Variants in RPS6KC1 observed in about 807,000 individuals in gnomAD.
RPS6KC1 encodes ribosomal protein S6 kinase C1, also known as inactive ribosomal protein S6 kinase delta-1.
A neutral mutation model predicts 103.8 loss-of-function variants in RPS6KC1; 54 were observed. That is an observed-to-expected ratio of 0.52 (90% CI 0.42 to 0.65). The LOEUF (loss-of-function observed/expected upper bound fraction) is 0.65. Ranked by LOEUF, RPS6KC1 falls within the 30% of genes least tolerant of loss-of-function variation. The pLI, the probability that RPS6KC1 is intolerant of heterozygous loss-of-function variation, is 0.00. For missense variants in RPS6KC1, 1,151 were observed against 1,253.8 expected, an observed-to-expected ratio of 0.92 and a Z score of 1.24; for synonymous variants, 439 against 438.7, an observed-to-expected ratio of 1.00 and a Z score of -0.01.
intron 3 of RPS6KC1, among the ~76,000 whole-genome samples, chr1:213,095,728 ATACTG>A (rs1230865166): frequency 6.6e-6 from 1 of 152,246 alleles, no homozygotes; most frequent in Admixed American, 6.5e-5. Flanking sequence ...AGTTGTGTTT[ATACTG>A]TACTGTAGTC....
At chr1:213,461,374 T>C in the RPS6KC1 span, among the ~76,000 whole-genome samples, 1 of 152,178 alleles carries the variant, frequency 6.6e-6, no homozygotes, top group African/African-American at 2.4e-5. Context: ...AATTTATAGA[T>C]TCAATGCCAT....
downstream of RPS6KC1, among the ~76,000 whole-genome samples, chr1:213,275,584 T>C (rs1322196039): frequency 6.6e-6 from 1 of 152,196 alleles, no homozygotes; most frequent in Admixed American, 6.5e-5. Flanking sequence ...ACAACATTTT[T>C]TTTTTATTTG....
chr1:213,632,683 G>A, the RPS6KC1 span, among the ~76,000 whole-genome samples: 3 of 152,248 alleles, frequency 2.0e-5, no homozygotes, highest in Admixed American at 1.3e-4. Context: ...AACAAAGCTG[G>A]ATGGAGAATG....
Position 213,167,917 on chromosome 1 carries a change from C to G in RPS6KC1, c.895C>G (p.Arg299Gly), listed in dbSNP as rs761043603. Reference sequence around the variant, plus strand: ...GAGAAGAACAGCCGAGTACCTCATGCGGGCAGAAAGTATCTCTAGTCTTTA... The same window carrying G: ...GAGAAGAACAGCCGAGTACCTCATGGGGGCAGAAAGTATCTCTAGTCTTTA... The part of the protein sequence containing the change: ...VKRRTAEYLM[R>G]AESISSLYGK... Residue 299 changes from arginine to glycine, a missense_variant, in exon 7 of 15, where the codon CGG (arginine) becomes GGG (glycine). Transcript: ENST00000366960. 3.1e-6 allele frequency: 5 copies of G among 1,613,430 alleles called. No individual in the cohort carries two copies. In the South Asian group the frequency reaches 5.5e-5, roughly 18 times the overall value.
intron 8 of RPS6KC1, among the ~76,000 whole-genome samples, chr1:213,228,358 A>G (rs1449058452): frequency 6.6e-6 from 1 of 152,180 alleles, no homozygotes; most frequent in Non-Finnish European, 1.5e-5. Context: ...CTTCTACATA[A>G]TAAGAATGCC....
chr1:213,141,430 A>G (rs542984716), intron 6 of RPS6KC1, among the ~76,000 whole-genome samples: 1 of 152,058 alleles, frequency 6.6e-6, no homozygotes, highest in East Asian at 1.9e-4. Context: ...ATAGTCTCTG[A>G]AGGTTTTTTT....
chr1:213,262,761 C>G lies in RPS6KC1; in HGVS notation c.3035C>G (p.Thr1012Ser). The G allele has an allele frequency of 6.2e-7, 1 of 1,613,208 alleles. No homozygotes were observed. Among genetic ancestry groups the G allele is most frequent in the Non-Finnish European group, 8.5e-7 (1 of 1,179,180 alleles). Residue 1012 changes from threonine (T) to serine (S), a missense_variant, in exon 14 of 15, where the codon ACT becomes AGT. By Grantham distance (58) the Thr-to-Ser change is moderately conservative. Transcript: ENST00000366960. ...ECHPAGINTH[T>S]TLNMPECVSE... ...CATCCAGCAGGAATAAATACTCACA[C>G]TACTTTGAACATGCCAGAATGTGTC...
At chr1:213,462,088 A>C in the RPS6KC1 span, among the ~76,000 whole-genome samples, 1 of 152,200 alleles carries the variant, frequency 6.6e-6, no homozygotes, top group Admixed American at 6.5e-5. Context: ...AAACCCCATC[A>C]AAAAGTGGGC....
chr1:213,202,500 C>T (rs1346363413), intron 8 of RPS6KC1, among the ~76,000 whole-genome samples: 1 of 152,080 alleles, frequency 6.6e-6, no homozygotes, highest in East Asian at 1.9e-4. Context: ...GTAATCCCAG[C>T]TACTTGGGAG....
chr1:213,744,398 A>G, the RPS6KC1 span, among the ~76,000 whole-genome samples: 1 of 152,194 alleles, frequency 6.6e-6, no homozygotes, highest in Non-Finnish European at 1.5e-5. Context: ...ACAAACAAAC[A>G]CAAAAACGCA....
At chr1:213,353,789 A>G in the RPS6KC1 span, among the ~76,000 whole-genome samples, 14 of 152,316 alleles carry the variant, frequency 9.2e-5, no homozygotes, top group Middle Eastern at 3.4e-3. Context: ...TTTTGGTAGT[A>G]TGTAGAAAAT....
intron 6 of RPS6KC1, among the ~76,000 whole-genome samples, chr1:213,130,258 C>A (rs1013355328): frequency 5.3e-5 from 8 of 152,184 alleles, no homozygotes; most frequent in South Asian, 2.1e-4. Flanking sequence ...CCTGAAGAGA[C>A]AAAATGAAAT....
the RPS6KC1 span, among the ~76,000 whole-genome samples, chr1:213,857,132 A>G: frequency 6.6e-6 from 1 of 152,206 alleles, no homozygotes; most frequent in Non-Finnish European, 1.5e-5. Context: ...ACTTTTTACC[A>G]AATTGATTGA....
the RPS6KC1 span, among the ~76,000 whole-genome samples, chr1:213,786,931 T>A: frequency 3.3e-5 from 5 of 152,188 alleles, no homozygotes; most frequent in Non-Finnish European, 7.3e-5. Context: ...AGGCATTTAC[T>A]TAGGAAGAAC....
rs17020348 is a variant in RPS6KC1 at position 213,253,922 on chromosome 1, A to G, written c.2912-7636A>G. On this transcript the variant is annotated intron_variant, in intron 12 of 14. Transcript: ENST00000366960. ...GGTAAACATTATTATTTTGGCTGTA[A>G]GAGGGAGACTTGGAAGACTCTGAAT... 2.7e-3 allele frequency among the ~76,000 whole-genome samples: 418 copies of G among 152,278 alleles called. 4 individuals carry two copies. The highest frequency in any genetic ancestry group is 9.6e-3 in the African/African-American group (399 of 41,570).
chr1:213,793,767 C>G, the RPS6KC1 span, among the ~76,000 whole-genome samples: 7 of 152,200 alleles, frequency 4.6e-5, no homozygotes, highest in Admixed American at 2.6e-4. Flanking sequence ...CTCATGAACA[C>G]TTTTCTGTCT....
the RPS6KC1 span, among the ~76,000 whole-genome samples, chr1:213,528,708 G>T: frequency 3.9e-4 from 60 of 152,226 alleles, no homozygotes; most frequent in Non-Finnish European, 7.4e-4. Flanking sequence ...CTCAGATCCT[G>T]CCAGCCCTGA....
intron 5 of RPS6KC1, among the ~76,000 whole-genome samples, chr1:213,122,863 TC>T (rs1558365154): frequency 6.6e-6 from 1 of 151,934 alleles, no homozygotes; most frequent in African/African-American, 2.4e-5. Flanking sequence ...GGTCATTTTT[TC>T]CCCCCAAGAT....
the RPS6KC1 span, among the ~76,000 whole-genome samples, chr1:213,557,314 A>C: frequency 6.6e-6 from 1 of 152,118 alleles, no homozygotes. Flanking sequence ...CCTTTTTCCT[A>C]AGTCAGGCCT....
Sources: allele counts gnomAD v4.1 joint callset (sites outside exome capture counted in the v4.1 genomes callset), GRCh38; gene constraint gnomAD v4.1.1; transcripts MANE v1.5; gene names NCBI Gene and HGNC (gene_info 2026-07-23, HGNC 2026-07-21).